ARHGEF7: variants seen among roughly 807,000 people sequenced by gnomAD.
The protein encoded by ARHGEF7 is Rho guanine nucleotide exchange factor 7.
ARHGEF7 carries 33 observed loss-of-function variants against 109.8 expected under a neutral mutation model. The ratio of observed to expected loss-of-function variants is 0.30; its 90% confidence interval spans 0.23 to 0.40. The LOEUF (loss-of-function observed/expected upper bound fraction) is 0.40, where lower values mean the gene tolerates loss of function less well. Among genes scored for constraint, ARHGEF7 ranks in the 10% least tolerant of loss-of-function variants. ARHGEF7 has a pLI of 1.00. For missense variants in ARHGEF7, 938 were observed against 1,098.5 expected (o/e 0.85, Z 2.07); for synonymous variants, 458 against 424.6 (o/e 1.08, Z -0.97).
chr13:111,304,260 T>A lies in ARHGEF7; in HGVS notation c.*1147T>A, dbSNP rs1222657009. 2.6e-5 allele frequency: 4 copies of A among 152,276 alleles called. No individual in the cohort carries two copies. Among genetic ancestry groups the A allele is most frequent in the African/African-American group, 9.6e-5 (4 of 41,464 alleles). The allele number at this position is 152,276 out of a possible 1,614,324, so 9.4% of individuals were successfully genotyped here. On this transcript the variant is annotated 3_prime_UTR_variant, in exon 22 of 22. Transcript: ENST00000646102. ...GTTCCAGTGCAGAGGAGACGAAGCC[T>A]GTCCTCACCGCGGCTCGCTGGGCCC... is the stretch of plus-strand genomic sequence containing the variant.
intron 2 of ARHGEF7, among the ~76,000 whole-genome samples, chr13:111,194,228 A>G (rs1450765656): frequency 1.3e-5 from 2 of 152,206 alleles, no homozygotes; most frequent in African/African-American, 4.8e-5. Context: ...TCTCTGATAT[A>G]TAAAGAGAAG....
chr13:111,276,854 A>G (rs1382073721), intron 12 of ARHGEF7, among the ~76,000 whole-genome samples: 1 of 152,232 alleles, frequency 6.6e-6, no homozygotes. Flanking sequence ...CCGTAGTTTA[A>G]ATGTCAACAT....
chr13:111,171,282 A>G (rs1315210702), intron 2 of ARHGEF7, among the ~76,000 whole-genome samples: 2 of 152,170 alleles, frequency 1.3e-5, no homozygotes, highest in African/African-American at 4.8e-5. Context: ...TGTTGTAACC[A>G]TAAAGATTTG....
intron 10 of ARHGEF7, 93 bp downstream of exon 10, chr13:111,274,045 T>A: frequency 6.9e-7 from 1 of 1,443,140 alleles, no homozygotes; most frequent in Non-Finnish European, 9.4e-7. Flanking sequence ...TCATGATTTA[T>A]TTTAGAAGCC....
chr13:111,246,732 C>T (rs1251721062), intron 8 of ARHGEF7, among the ~76,000 whole-genome samples: 1 of 152,150 alleles, frequency 6.6e-6, no homozygotes, highest in African/African-American at 2.4e-5. Flanking sequence ...AGGTCATTTG[C>T]TGATAATTCA....
rs2092425381 is a variant in ARHGEF7, at chr13:111,275,520, T to C, written c.1273-12T>C. 2 of 1,613,584 alleles carry C rather than the reference T, an allele frequency of 1.2e-6. No homozygotes were observed. The highest frequency in any genetic ancestry group is 1.7e-6 in the Non-Finnish European group (2 of 1,179,878). On this transcript the variant is annotated splice_polypyrimidine_tract_variant and intron_variant, in intron 11 of 21. Coordinates refer to ENST00000646102, the MANE Select transcript of ARHGEF7 (RefSeq NM_001354046.2). ...TTTATGTCTGTTAACAGTGTTGTTC[T>C]GTGTCTGTCAGGCCCAATGTCAAGA...
Position 111,265,809 on chromosome 13 carries a change from G to A in ARHGEF7, c.951-1739G>A, listed in dbSNP as rs370240321. 58 of 444,900 alleles carry A rather than the reference G, an allele frequency of 1.3e-4. No homozygotes were observed. The East Asian group carries it at 2.5e-3, about 19-fold the overall frequency. 27.6% of individuals were successfully genotyped at this position (444,900 alleles called of 1,614,324 possible). ...GAGGGAGCTGTTTTGCCCCTTCCCC[G>A]CTGTGAGGATGCAATAGGGGACCAC... On this transcript the variant is annotated intron_variant, in intron 8 of 21. Coordinates refer to ENST00000646102, the MANE Select transcript of ARHGEF7 (RefSeq NM_001354046.2).
chr13:111,226,266 C>T (rs1041825961), intron 5 of ARHGEF7, among the ~76,000 whole-genome samples: 8 of 152,160 alleles, frequency 5.3e-5, no homozygotes, highest in Admixed American at 1.3e-4. Flanking sequence ...GGAAAGAAGC[C>T]GTCTCCAGAA....
intron 19 of ARHGEF7, chr13:111,294,487 C>T (rs1361178799): frequency 3.0e-6 from 3 of 985,284 alleles, no homozygotes; most frequent in African/African-American, 1.7e-5. Context: ...GACGGTTTAC[C>T]ATCATTCCAT....
At chr13:111,236,568 TA>T (rs1391238251) in intron 6 of ARHGEF7, among the ~76,000 whole-genome samples, 1 of 152,246 alleles carries the variant, frequency 6.6e-6, no homozygotes, top group Non-Finnish European at 1.5e-5. Context: ...TGTCTATTTT[TA>T]TTTTTTTATT....
chr13:111,244,003 G>C (rs765148434), intron 7 of ARHGEF7, 37 bp downstream of exon 7: 4 of 1,516,080 alleles, frequency 2.6e-6, no homozygotes, highest in Non-Finnish European at 2.7e-6. Context: ...CTGTAAAATA[G>C]TCTAAACCTT....
intron 17 of ARHGEF7, among the ~76,000 whole-genome samples, chr13:111,286,627 G>T (rs1369189745): frequency 3.3e-5 from 5 of 152,138 alleles, no homozygotes; most frequent in South Asian, 2.1e-4. Flanking sequence ...GACCTGCTGT[G>T]TTCTCCTGTG....
chr13:111,298,683 G>A lies in ARHGEF7; in HGVS notation c.2312-2065G>A, dbSNP rs531874891. 3.3e-5 allele frequency among the ~76,000 whole-genome samples: 5 copies of A among 152,344 alleles called. No homozygotes were observed. In the South Asian group the frequency reaches 6.2e-4, roughly 19 times the overall value. ...ATCTTCTGTCCGAAAAGTTATTCCCGAGACATAGGTCACCGTGTGTGTGGG... is the reference window on the plus strand; with the variant it reads ...ATCTTCTGTCCGAAAAGTTATTCCCAAGACATAGGTCACCGTGTGTGTGGG... On this transcript the variant is annotated intron_variant, in intron 19 of 21. Transcript: ENST00000646102.
chr13:111,254,249 T>C (rs1032492275), intron 8 of ARHGEF7, among the ~76,000 whole-genome samples: 1 of 152,264 alleles, frequency 6.6e-6, no homozygotes, highest in Admixed American at 6.5e-5. Flanking sequence ...TTGTTTGAAC[T>C]GTTTTTAAAT....
chr13:111,175,641 G>C (rs371896115), intron 2 of ARHGEF7, among the ~76,000 whole-genome samples: 1 of 152,176 alleles, frequency 6.6e-6, no homozygotes, highest in Non-Finnish European at 1.5e-5. Flanking sequence ...TGCTCCAGGC[G>C]CTTTGAAAGG....
rs570285492 is a variant in ARHGEF7 at position 111,229,459 on chromosome 13, A to G, written c.671-3746A>G. Among the ~76,000 whole-genome samples, 16 of 152,244 alleles carry G rather than the reference A, an allele frequency of 1.1e-4. No individual in the cohort carries two copies. In the South Asian group the frequency reaches 3.3e-3, roughly 32 times the overall value. ...ATTTGTAGAAGTTTTGCTGCGCTTC[A>G]GATGTTTTCAGTCTTCATGGCGCCT... On this transcript the variant is annotated intron_variant, in intron 5 of 21. Coordinates refer to ENST00000646102, the MANE Select transcript of ARHGEF7 (RefSeq NM_001354046.2).
rs780372890 is a variant in ARHGEF7 at position 111,255,232 on chromosome 13, G to A, written c.950+10938G>A. ...GATTCGGGCTAAGGCGCTGAGTTCCGTTTGGGGTTGCTGTGCATTTCAGTT... is the reference window on the plus strand; with the variant it reads ...GATTCGGGCTAAGGCGCTGAGTTCCATTTGGGGTTGCTGTGCATTTCAGTT... On this transcript the variant is annotated intron_variant, in intron 8 of 21. Coordinates refer to ENST00000646102, the MANE Select transcript of ARHGEF7 (RefSeq NM_001354046.2). This position sits in a 1 kb window ranked among gnomAD's most constrained non-coding sequence, Gnocchi z 4.1. Among the ~76,000 whole-genome samples the A allele has an allele frequency of 2.8e-4, 42 of 152,172 alleles. No homozygotes were observed. Among genetic ancestry groups the A allele is most frequent in the Admixed American group, 5.2e-4 (8 of 15,274 alleles).
intron 3 of ARHGEF7, among the ~76,000 whole-genome samples, chr13:111,209,641 A>G (rs1393760645): frequency 1.3e-5 from 2 of 152,234 alleles, no homozygotes; most frequent in African/African-American, 4.8e-5. Flanking sequence ...TTAGAGAAGA[A>G]CTGATTAATA....
intron 6 of ARHGEF7, among the ~76,000 whole-genome samples, chr13:111,241,757 GA>G (rs2087827930): frequency 6.6e-6 from 1 of 152,158 alleles, no homozygotes; most frequent in South Asian, 2.1e-4. Context: ...TTTTCTGTTT[GA>G]AAATAAGTAT....
Sources: allele counts gnomAD v4.1 joint callset (sites outside exome capture counted in the v4.1 genomes callset), GRCh38; gene constraint gnomAD v4.1.1; non-coding constraint Gnocchi (gnomAD v3.1); transcripts MANE v1.5; gene names NCBI Gene and HGNC (gene_info 2026-07-23, HGNC 2026-07-21).